The following CDH13 variants were observed in gnomAD, a reference collection of about 807,000 sequenced individuals.
CDH13 encodes the protein cadherin-13.
A neutral mutation model predicts 63.8 loss-of-function variants in CDH13; 24 were observed. The observed-to-expected ratio is 0.38, with a 90% CI of 0.27 to 0.53. CDH13 has a LOEUF of 0.53. Among genes scored for constraint, CDH13 ranks in the 20% least tolerant of loss-of-function variants. The pLI is 0.85. For synonymous variants in CDH13, 503 were observed against 355.3 expected, an observed-to-expected ratio of 1.42 and a Z score of -4.67; for missense variants, 1,049 against 903.1, an observed-to-expected ratio of 1.16 and a Z score of -2.07.
chr16:82,816,884 A>G (rs1466077497), intron 1 of CDH13, among the ~76,000 whole-genome samples: 2 of 151,856 alleles, frequency 1.3e-5, no homozygotes, highest in Non-Finnish European at 2.9e-5. Flanking sequence ...GGATACAACG[A>G]AAGGATAATG....
rs1343617422 is a variant in CDH13, at chr16:83,797,199, A to G, written c.*2169A>G. ...CCAGTCAGGCGGCTGGTAGCCGGAC[A>G]CATATGCTAACTGGCAATCAGGAAG... On this transcript the variant is annotated 3_prime_UTR_variant, in exon 14 of 14. Transcript: ENST00000567109. 1 of 152,262 alleles carries G rather than the reference A, an allele frequency of 6.6e-6. No individual in the cohort carries two copies. The highest frequency in any genetic ancestry group is 1.9e-4 in the East Asian group (1 of 5,204). 9.4% of individuals were successfully genotyped at this position (152,262 alleles called of 1,614,324 possible).
At chr16:83,758,237 A>G (rs1039808918) in intron 11 of CDH13, among the ~76,000 whole-genome samples, 2 of 152,182 alleles carry the variant, frequency 1.3e-5, no homozygotes, top group African/African-American at 2.4e-5. Flanking sequence ...TCTTTTTATG[A>G]GACAAGGTTT....
chr16:82,963,448 A>C lies in CDH13; in HGVS notation c.158-68562A>C, dbSNP rs573720769. ...AACGTCCTTTCTCAATACCTCTTACATGATCCCTGTCCCCTACGTCCTATG... is the reference window on the plus strand; with the variant it reads ...AACGTCCTTTCTCAATACCTCTTACCTGATCCCTGTCCCCTACGTCCTATG... On this transcript the variant is annotated intron_variant, in intron 2 of 13. Transcript: ENST00000567109. Among the ~76,000 whole-genome samples the C allele has an allele frequency of 3.9e-5, 6 of 152,222 alleles. No homozygotes were observed. The East Asian group carries it at 1.2e-3, about 29-fold the overall frequency.
chr16:82,788,980 G>A (rs1050561041), intron 1 of CDH13, among the ~76,000 whole-genome samples: 9 of 152,328 alleles, frequency 5.9e-5, no homozygotes, highest in East Asian at 5.8e-4. Context: ...CTACTAGGCC[G>A]TTAGTCAATT....
chr16:82,679,987 A>T (rs1442103934), intron 1 of CDH13, among the ~76,000 whole-genome samples: 1 of 152,168 alleles, frequency 6.6e-6, no homozygotes, highest in Non-Finnish European at 1.5e-5. Context: ...GACAAGGAAG[A>T]CCACCACCAT....
chr16:83,244,451 A>C (rs928191471), intron 5 of CDH13, among the ~76,000 whole-genome samples: 1 of 152,174 alleles, frequency 6.6e-6, no homozygotes, highest in Non-Finnish European at 1.5e-5. Context: ...TATAGATGCC[A>C]TCTTATCTGT....
chr16:83,287,763 C>G (rs866429897), intron 5 of CDH13, among the ~76,000 whole-genome samples: 2 of 152,326 alleles, frequency 1.3e-5, no homozygotes, highest in Middle Eastern at 3.4e-3. Flanking sequence ...GTCATCCCCT[C>G]ACCTCCTCCT....
chr16:83,287,967 AC>A (rs1340697001), intron 5 of CDH13, among the ~76,000 whole-genome samples: 1 of 152,182 alleles, frequency 6.6e-6, no homozygotes, highest in Non-Finnish European at 1.5e-5. Flanking sequence ...CAAAATATGA[AC>A]ATGTTTTAAA....
At chr16:83,267,132 T>G (rs554442510) in intron 5 of CDH13, among the ~76,000 whole-genome samples, 2 of 152,354 alleles carry the variant, frequency 1.3e-5, no homozygotes, top group South Asian at 4.1e-4. Flanking sequence ...TGCCTCATTC[T>G]TTGCTAAAAC....
intron 6 of CDH13, among the ~76,000 whole-genome samples, chr16:83,437,951 C>T (rs1246175395): frequency 1.3e-5 from 2 of 152,128 alleles, no homozygotes; most frequent in Non-Finnish European, 2.9e-5. Context: ...CTTCCATCTG[C>T]TTCCCTCCAT....
intron 1 of CDH13, among the ~76,000 whole-genome samples, chr16:82,758,241 G>T: frequency 6.6e-6 from 1 of 152,256 alleles, no homozygotes; most frequent in East Asian, 1.9e-4. Flanking sequence ...AAAGGGACAC[G>T]GGCTATGTTG....
intron 5 of CDH13, among the ~76,000 whole-genome samples, chr16:83,232,469 G>A (rs573234224): frequency 7.3e-5 from 11 of 151,054 alleles, no homozygotes; most frequent in Non-Finnish European, 1.5e-4. Flanking sequence ...AAGTTGCAGT[G>A]AGCCAAGATT....
chr16:83,379,404 T>A (rs1597872113), intron 6 of CDH13, among the ~76,000 whole-genome samples: 1 of 152,142 alleles, frequency 6.6e-6, no homozygotes, highest in South Asian at 2.1e-4. Context: ...GAGAGACGGA[T>A]GAGTGGATGG....
chr16:83,235,925 G>C (rs1244440405), intron 5 of CDH13, among the ~76,000 whole-genome samples: 1 of 152,090 alleles, frequency 6.6e-6, no homozygotes, highest in African/African-American at 2.4e-5. Flanking sequence ...ATTTTCAAAT[G>C]GATATTGTGC....
At chr16:82,852,973 A>G (rs2039554332) in intron 1 of CDH13, among the ~76,000 whole-genome samples, 1 of 152,230 alleles carries the variant, frequency 6.6e-6, no homozygotes, top group Admixed American at 6.5e-5. Context: ...TCAGGATAAA[A>G]AAAAACCCTT....
chr16:83,726,723 A>G (rs1327261794), intron 10 of CDH13, among the ~76,000 whole-genome samples: 3 of 152,128 alleles, frequency 2.0e-5, no homozygotes, highest in African/African-American at 7.2e-5. Context: ...CTGTAGTCCC[A>G]GCTACTCGCG....
At chr16:82,792,687 C>G (rs1368123224) in intron 1 of CDH13, among the ~76,000 whole-genome samples, 2 of 152,190 alleles carry the variant, frequency 1.3e-5, no homozygotes, top group African/African-American at 2.4e-5. Context: ...CGGTACATGG[C>G]TCTGTACTCA....
Position 83,629,890 on chromosome 16 carries a change from C to G in CDH13, c.1101+27296C>G, listed in dbSNP as rs1308415121. 1.3e-5 allele frequency among the ~76,000 whole-genome samples: 2 copies of G among 152,194 alleles called. 1 individual carries two copies. The highest frequency in any genetic ancestry group is 1.3e-4 in the Admixed American group (2 of 15,286). Reference sequence around the variant, plus strand: ...TGCAGGGGAAGAGAGCTTACAACAGCGTTGAATCCATTCAGGTAGATGGGA... The same window carrying G: ...TGCAGGGGAAGAGAGCTTACAACAGGGTTGAATCCATTCAGGTAGATGGGA... On this transcript the variant is annotated intron_variant, in intron 8 of 13. Transcript: ENST00000567109.
intron 5 of CDH13, among the ~76,000 whole-genome samples, chr16:83,233,241 C>T (rs574147041): frequency 6.6e-6 from 1 of 152,258 alleles, no homozygotes; most frequent in South Asian, 2.1e-4. Flanking sequence ...CTGAGCTACC[C>T]TAGGAGTCTG....
Sources: allele counts gnomAD v4.1 joint callset (sites outside exome capture counted in the v4.1 genomes callset), GRCh38; gene constraint gnomAD v4.1.1; transcripts MANE v1.5; gene names NCBI Gene and HGNC (gene_info 2026-07-23, HGNC 2026-07-21).